CDYL2: variants seen among roughly 807,000 people sequenced by gnomAD.
CDYL2 encodes chromodomain Y like 2.
CDYL2 carries 23 observed loss-of-function variants against 49.4 expected under a neutral mutation model. The observed-to-expected ratio is 0.47, with a 90% CI of 0.34 to 0.66. CDYL2 has a LOEUF of 0.66. CDYL2 is among the 30% of genes least tolerant of loss of function. CDYL2 has a pLI of 0.01. For missense variants in CDYL2, 678 were observed against 656.4 expected, an observed-to-expected ratio of 1.03 and a Z score of -0.36; for synonymous variants, 360 against 268.8, an observed-to-expected ratio of 1.34 and a Z score of -3.32.
At chr16:80,761,230 G>A (rs980703117) in intron 1 of CDYL2, among the ~76,000 whole-genome samples, 2 of 152,296 alleles carry the variant, frequency 1.3e-5, no homozygotes, top group African/African-American at 2.4e-5. Flanking sequence ...GGGGATTCTG[G>A]TGGGGCTCCA....
At chr16:80,681,282 C>T (rs1909956621) in intron 2 of CDYL2, among the ~76,000 whole-genome samples, 1 of 152,106 alleles carries the variant, frequency 6.6e-6, no homozygotes, top group South Asian at 2.1e-4. Context: ...CTTTGTGCTG[C>T]AAACCCCCAG....
Position 80,799,698 on chromosome 16 carries a change from C to T in CDYL2, c.24+4452G>A, listed in dbSNP as rs11863076. On this transcript the variant is annotated intron_variant, in intron 1 of 6. Transcript: ENST00000570137. Reference sequence around the variant, plus strand: ...GCTTAAGCCCCTGAAGAAATTATCTCATGCACTAAGGAATGACCTGACATA... The same window carrying T: ...GCTTAAGCCCCTGAAGAAATTATCTTATGCACTAAGGAATGACCTGACATA... Among the ~76,000 whole-genome samples, 755 of 152,322 alleles carry T rather than the reference C, an allele frequency of 5.0e-3. 3 individuals are homozygous for T. Among genetic ancestry groups the T allele is most frequent in the Admixed American group, 9.8e-3 (150 of 15,300 alleles).
intron 6 of CDYL2, among the ~76,000 whole-genome samples, 167 bp from the exon 7 acceptor site, chr16:80,604,713 T>C (rs1597117391): frequency 6.6e-6 from 1 of 152,146 alleles, no homozygotes; most frequent in Non-Finnish European, 1.5e-5. Context: ...CGGCCATGAA[T>C]GGATCCCAGA....
At chr16:80,729,851 A>G (rs1905271396) in intron 1 of CDYL2, among the ~76,000 whole-genome samples, 2 of 152,204 alleles carry the variant, frequency 1.3e-5, no homozygotes, top group South Asian at 4.1e-4. Flanking sequence ...CTAAATGACT[A>G]CTGGGTGCAT....
intron 2 of CDYL2, among the ~76,000 whole-genome samples, chr16:80,636,895 C>A (rs1907854342): frequency 6.6e-6 from 1 of 152,160 alleles, no homozygotes; most frequent in Admixed American, 6.5e-5. Flanking sequence ...GAGTTCATGT[C>A]CTTTGCAGAG....
chr16:80,631,638 T>A (rs993840686), intron 3 of CDYL2, among the ~76,000 whole-genome samples: 1 of 152,194 alleles, frequency 6.6e-6, no homozygotes, highest in Non-Finnish European at 1.5e-5. Context: ...GAACATATTT[T>A]CAAGTCAAGT....
At chr16:80,787,622 CTG>C (rs977781232) in intron 1 of CDYL2, among the ~76,000 whole-genome samples, 1 of 152,080 alleles carries the variant, frequency 6.6e-6, no homozygotes. Context: ...TCTCTCTCCT[CTG>C]TGTGTGTGTA....
chr16:80,780,208 T>C (rs74559517), intron 1 of CDYL2, among the ~76,000 whole-genome samples: 9,773 of 152,130 alleles, frequency 0.064, 347 homozygotes, highest in African/African-American at 0.088. Context: ...AAGATTTCTG[T>C]GAATTTTTCG....
At chr16:80,791,540 T>C (rs1246720463) in intron 1 of CDYL2, among the ~76,000 whole-genome samples, 1 of 151,948 alleles carries the variant, frequency 6.6e-6, no homozygotes, top group Non-Finnish European at 1.5e-5. Context: ...AAAGAAAGGG[T>C]GGAAATCTCC....
At chr16:80,605,563 A>G (rs536992102) in intron 6 of CDYL2, among the ~76,000 whole-genome samples, 38 of 150,656 alleles carry the variant, frequency 2.5e-4, no homozygotes, top group Middle Eastern at 3.8e-3. Flanking sequence ...ATGAGCAATA[A>G]TCATAGTAAC....
chr16:80,633,260 T>A, intron 2 of CDYL2, 24 bp from the exon 3 acceptor site: 1 of 1,601,318 alleles, frequency 6.2e-7, no homozygotes, highest in Middle Eastern at 1.7e-4. Flanking sequence ...ATAAACAATG[T>A]AAGAAACTGA....
intron 1 of CDYL2, among the ~76,000 whole-genome samples, chr16:80,759,282 C>T (rs915881505): frequency 6.6e-6 from 1 of 150,736 alleles, no homozygotes; most frequent in Non-Finnish European, 1.5e-5. Context: ...TATATTTGTG[C>T]CTTTTGAATA....
At chr16:80,662,225 C>G (rs1342538388) in intron 2 of CDYL2, among the ~76,000 whole-genome samples, 1 of 152,170 alleles carries the variant, frequency 6.6e-6, no homozygotes, top group Admixed American at 6.5e-5. Context: ...CTCAAAGACA[C>G]CCAAGGAGAG....
chr16:80,679,771 C>G (rs375318760), intron 2 of CDYL2: 1 of 455,986 alleles, frequency 2.2e-6, no homozygotes, highest in African/African-American at 2.0e-5. Context: ...TTTTCATCTC[C>G]GCCATCTTGG....
At chr16:80,699,807 A>G (rs1431644105) in intron 1 of CDYL2, among the ~76,000 whole-genome samples, 1 of 152,236 alleles carries the variant, frequency 6.6e-6, no homozygotes, top group Non-Finnish European at 1.5e-5. Context: ...ATGTGTCAAA[A>G]ACTTTTCTTA....
At chr16:80,680,556 G>C (rs1384166707) in intron 2 of CDYL2, among the ~76,000 whole-genome samples, 2 of 152,124 alleles carry the variant, frequency 1.3e-5, no homozygotes, top group Admixed American at 6.5e-5. Flanking sequence ...ACCACAGCAA[G>C]GGTTAGCAAA....
At chr16:80,754,679 T>C (rs1338774829) in intron 1 of CDYL2, among the ~76,000 whole-genome samples, 1 of 152,100 alleles carries the variant, frequency 6.6e-6, no homozygotes, top group African/African-American at 2.4e-5. Context: ...TGGTACTAAC[T>C]CCACATCAGG....
chr16:80,620,782 G>A lies in CDYL2; in HGVS notation c.988C>T (p.Arg330Trp), dbSNP rs370310225. The change falls in exon 4 of 7, where the codon CGG (arginine) becomes TGG (tryptophan). Residue 330 changes from arginine (R) to tryptophan (W), a missense_variant. Around this residue, in one of 3 missense-constraint regions of CDYL2, gnomAD observed 478 missense variants for 427.0 expected, o/e 1.12. Coordinates refer to ENST00000570137, the MANE Select transcript of CDYL2 (RefSeq NM_152342.4). ...GCTCACCTGATGGCTTCTGCAATCCGAGTGCTCTCCTTTCGCCGGTCGCTG... is the reference window on the plus strand; with the variant it reads ...GCTCACCTGATGGCTTCTGCAATCCAAGTGCTCTCCTTTCGCCGGTCGCTG... Reference protein sequence around the residue: ...LSSDRRKESTRIAEAIRDFVK... With the variant: ...LSSDRRKESTWIAEAIRDFVK... The A allele has an allele frequency of 1.1e-5, 17 of 1,607,004 alleles. No individual in the cohort carries two copies. Among genetic ancestry groups the A allele is most frequent in the Admixed American group, 3.4e-5 (2 of 59,454 alleles).
intron 2 of CDYL2, among the ~76,000 whole-genome samples, chr16:80,672,518 C>A (rs1284148747): frequency 1.6e-5 from 1 of 62,070 alleles, no homozygotes; most frequent in South Asian, 5.2e-4. Flanking sequence ...AGGAAAGAAG[C>A]AAAGCAAAGG....
Sources: gnomAD v4.1 joint callset for allele counts (sites outside exome capture counted in the v4.1 genomes callset) on GRCh38, gnomAD v4.1.1 for gene constraint, gnomAD v4.1.1 regional missense constraint, MANE v1.5 for transcripts, NCBI Gene and HGNC (gene_info 2026-07-23, HGNC 2026-07-21) for gene names.